The following GOLPH3L variants were observed in gnomAD, a reference collection of about 807,000 sequenced individuals.
GOLPH3L encodes the protein golgi phosphoprotein 3 like.
GOLPH3L carries 22 observed loss-of-function variants against 30.3 expected under a neutral mutation model. The ratio of observed to expected loss-of-function variants is 0.73; its 90% CI spans 0.52 to 1.04. The LOEUF is 1.04. Ranked by LOEUF, GOLPH3L falls within the 50% of genes least tolerant of loss-of-function variation. GOLPH3L has a pLI of 0.00. For synonymous variants in GOLPH3L, 120 were observed against 128.2 expected (o/e 0.94, Z 0.43); for missense variants, 303 against 345.8 (o/e 0.88, Z 0.98).
chr1:150,666,054 G>A (rs1650492807), intron 2 of GOLPH3L, among the ~76,000 whole-genome samples: 1 of 152,046 alleles, frequency 6.6e-6, no homozygotes. Flanking sequence ...TGTAGGTGGT[G>A]TATCTTTTCT....
Position 150,652,475 on chromosome 1 carries a change from A to G in GOLPH3L, c.431-3727T>C, listed in dbSNP as rs138471086. ...TCTAAAAAGGAGAAAAAATAAATAC[A>G]TTCCTAGATCTGAAAGAGTTCACTG... On this transcript the variant is annotated intron_variant, in intron 4 of 4. Coordinates refer to ENST00000271732, the MANE Select transcript of GOLPH3L (RefSeq NM_018178.6). Among the ~76,000 whole-genome samples the G allele has an allele frequency of 3.0e-3, 449 of 151,736 alleles. 3 individuals are homozygous for G. Among genetic ancestry groups the G allele is most frequent in the African/African-American group, 0.011 (436 of 41,450 alleles).
intron 2 of GOLPH3L, among the ~76,000 whole-genome samples, chr1:150,683,732 A>AG (rs1651018805): frequency 2.8e-5 from 2 of 70,582 alleles, no homozygotes; most frequent in African/African-American, 4.5e-5. Flanking sequence ...AAAAAAAAAA[A>AG]AGAGAGATAC....
At chr1:150,685,874 C>CCT (rs2101816020) in intron 2 of GOLPH3L, among the ~76,000 whole-genome samples, 1 of 121,018 alleles carries the variant, frequency 8.3e-6, no homozygotes, top group Admixed American at 9.1e-5. Context: ...GTAAGTATGT[C>CCT]TTTTTTTTTT....
intron 4 of GOLPH3L, among the ~76,000 whole-genome samples, chr1:150,651,642 CA>C (rs59940841): frequency 0.41 from 25,219 of 61,040 alleles, 2,414 homozygotes; most frequent in South Asian, 0.51. Context: ...GAGCGAAACT[CA>C]AAAAAAAAAA....
intron 4 of GOLPH3L, among the ~76,000 whole-genome samples, chr1:150,649,015 ATTAT>A (rs1031176130): frequency 2.0e-5 from 3 of 152,112 alleles, no homozygotes; most frequent in Admixed American, 6.6e-5. Context: ...TGACACTGTA[ATTAT>A]TTATGTATTT....
At chr1:150,675,738 T>C (rs1336766071) in intron 2 of GOLPH3L, among the ~76,000 whole-genome samples, 1 of 113,588 alleles carries the variant, frequency 8.8e-6, no homozygotes, top group Non-Finnish European at 1.6e-5. Context: ...CTCGCGCCAC[T>C]ACACCCCAGC....
At chr1:150,661,407 T>C (rs1378821254) in intron 4 of GOLPH3L, among the ~76,000 whole-genome samples, 1 of 152,108 alleles carries the variant, frequency 6.6e-6, no homozygotes, top group Non-Finnish European at 1.5e-5. Context: ...ATACCCAAAA[T>C]GTGGAAATAA....
At chr1:150,659,639 T>C (rs587622778) in intron 4 of GOLPH3L, among the ~76,000 whole-genome samples, 1 of 152,232 alleles carries the variant, frequency 6.6e-6, no homozygotes, top group South Asian at 2.1e-4. Flanking sequence ...CACTCCACAC[T>C]ATATTTCTGT....
intron 4 of GOLPH3L, among the ~76,000 whole-genome samples, chr1:150,649,599 A>G (rs79726307): frequency 0.018 from 2,769 of 152,342 alleles, 44 homozygotes; most frequent in South Asian, 0.057. Context: ...TTCTGGAATC[A>G]TGACCAACAC....
intron 2 of GOLPH3L, among the ~76,000 whole-genome samples, chr1:150,669,969 A>C (rs587630668): frequency 1.3e-4 from 19 of 150,964 alleles, no homozygotes; most frequent in Non-Finnish European, 2.2e-4. Context: ...TCTCAAAAAA[A>C]AAAACTGCAG....
chr1:150,662,269 T>A (rs756924631), intron 3 of GOLPH3L, among the ~76,000 whole-genome samples: 20 of 152,054 alleles, frequency 1.3e-4, no homozygotes, highest in Non-Finnish European at 2.1e-4. Flanking sequence ...CTTAGCACTT[T>A]GGGAGGCTGA....
At chr1:150,665,860 A>C (rs764499807) in intron 2 of GOLPH3L, among the ~76,000 whole-genome samples, 1 of 152,232 alleles carries the variant, frequency 6.6e-6, no homozygotes, top group South Asian at 2.1e-4. Flanking sequence ...TGTTGGAGGC[A>C]GTTTCTATTT....
intron 2 of GOLPH3L, chr1:150,694,095 G>A (rs1651288281): frequency 2.4e-6 from 1 of 420,098 alleles, no homozygotes; most frequent in Non-Finnish European, 4.8e-6. Flanking sequence ...CTGGCCTCAA[G>A]TGATTCACTC....
chr1:150,668,763 G>T (rs905004501), intron 2 of GOLPH3L, among the ~76,000 whole-genome samples: 3 of 151,956 alleles, frequency 2.0e-5, no homozygotes, highest in Non-Finnish European at 2.9e-5. Context: ...TTATAGTTTA[G>T]CTACCTAATT....
chr1:150,662,804 TCAAAGACTGAAAAGAAGCTGGTGATAC>T (rs1650399363), intron 3 of GOLPH3L, among the ~76,000 whole-genome samples: 1 of 152,004 alleles, frequency 6.6e-6, no homozygotes. Context: ...GAAAAATAAA[TCAAAGACTGAAAAGAAGCTGGTGATAC>T]CTAAGAATGT....
chr1:150,653,455 CTTTTT>C (rs71086589), intron 4 of GOLPH3L, among the ~76,000 whole-genome samples: 1 of 62,652 alleles, frequency 1.6e-5, no homozygotes, highest in Non-Finnish European at 3.3e-5. Context: ...TTGAAAGCAA[CTTTTT>C]TTTTTTTTTT....
At chr1:150,693,016 TTGG>T (rs1651247744) in intron 2 of GOLPH3L, among the ~76,000 whole-genome samples, 1 of 152,224 alleles carries the variant, frequency 6.6e-6, no homozygotes, top group African/African-American at 2.4e-5. Context: ...TGACATTCTC[TTGG>T]AGAGCTGGTT....
chr1:150,667,299 C>A (rs988051494), intron 2 of GOLPH3L, among the ~76,000 whole-genome samples: 1 of 152,202 alleles, frequency 6.6e-6, no homozygotes, highest in Non-Finnish European at 1.5e-5. Context: ...TTATTCAAGA[C>A]TTAATATCTG....
intron 2 of GOLPH3L, among the ~76,000 whole-genome samples, chr1:150,683,515 G>C (rs1405393653): frequency 8.8e-6 from 1 of 113,166 alleles, no homozygotes; most frequent in East Asian, 2.5e-4. Flanking sequence ...CAGCCTGGGC[G>C]ACAGAGACTC....
Sources: allele counts gnomAD v4.1 joint callset (sites outside exome capture counted in the v4.1 genomes callset), GRCh38; gene constraint gnomAD v4.1.1; transcripts MANE v1.5; gene names NCBI Gene and HGNC (gene_info 2026-07-23, HGNC 2026-07-21).